Variants in INPP4B observed in about 807,000 individuals in gnomAD.
INPP4B encodes inositol polyphosphate 4-phosphatase type II.
Under a neutral mutation model 122.5 loss-of-function variants are expected in INPP4B, and 55 were observed. The ratio of observed to expected loss-of-function variants is 0.45; its 90% CI spans 0.36 to 0.56. INPP4B has a LOEUF of 0.56. INPP4B is among the 20% of genes least tolerant of loss of function. INPP4B has a pLI of 0.00. For missense variants in INPP4B, 1,000 were observed against 1,097.7 expected (o/e 0.91, Z 1.26); for synonymous variants, 403 against 388.7 (o/e 1.04, Z -0.43).
At chr4:142,099,406 A>C (rs1057501886) in intron 23 of INPP4B, among the ~76,000 whole-genome samples, 24 of 152,144 alleles carry the variant, frequency 1.6e-4, no homozygotes, top group African/African-American at 5.8e-4. Flanking sequence ...TATGCAAAAT[A>C]TTTGGATAAC....
chr4:142,824,306 G>A (rs62331923), intron 1 of INPP4B, among the ~76,000 whole-genome samples: 23,613 of 151,374 alleles, frequency 0.16, 3,339 homozygotes, highest in African/African-American at 0.38. Context: ...TTATCTATCT[G>A]TCTATCTATC....
intron 5 of INPP4B, among the ~76,000 whole-genome samples, chr4:142,410,073 T>G (rs1019814782): frequency 6.6e-6 from 1 of 152,256 alleles, no homozygotes; most frequent in Non-Finnish European, 1.5e-5. Flanking sequence ...ATTTCTATCA[T>G]TCCAACCAAT....
At chr4:142,767,284 A>G (rs1321908853) in intron 1 of INPP4B, among the ~76,000 whole-genome samples, 7 of 152,208 alleles carry the variant, frequency 4.6e-5, no homozygotes, top group Admixed American at 4.6e-4. Flanking sequence ...GTGAAAATCT[A>G]AAGAAGCAGT....
chr4:142,785,250 C>T (rs1361179691), intron 1 of INPP4B, among the ~76,000 whole-genome samples: 1 of 152,034 alleles, frequency 6.6e-6, no homozygotes, highest in Non-Finnish European at 1.5e-5. Flanking sequence ...CCTAAATTTA[C>T]TATTATCCAA....
intron 2 of INPP4B, among the ~76,000 whole-genome samples, chr4:142,646,594 C>G (rs1751836658): frequency 6.6e-6 from 1 of 152,096 alleles, no homozygotes; most frequent in Non-Finnish European, 1.5e-5. Flanking sequence ...GGCTTTACTT[C>G]CTAAGTATCC....
intron 2 of INPP4B, among the ~76,000 whole-genome samples, chr4:142,498,126 C>CGTGT (rs1822855495): frequency 6.7e-6 from 1 of 149,910 alleles, no homozygotes; most frequent in African/African-American, 2.5e-5. Context: ...TATATACACA[C>CGTGT]ACACATATAT....
intron 2 of INPP4B, among the ~76,000 whole-genome samples, chr4:142,648,209 G>A (rs1752203976): frequency 6.6e-6 from 1 of 152,230 alleles, no homozygotes; most frequent in Non-Finnish European, 1.5e-5. Context: ...CTTCCAAGAT[G>A]GCCAAATAGG....
At chr4:142,298,130 G>C (rs1337789024) in intron 9 of INPP4B, among the ~76,000 whole-genome samples, 1 of 151,964 alleles carries the variant, frequency 6.6e-6, no homozygotes, top group Non-Finnish European at 1.5e-5. Context: ...AAACAAAACA[G>C]GAAAGAAGAT....
chr4:142,471,066 T>A (rs72946834), intron 2 of INPP4B, among the ~76,000 whole-genome samples: 3 of 152,158 alleles, frequency 2.0e-5, no homozygotes, highest in Non-Finnish European at 4.4e-5. Context: ...ATGGTTTGTG[T>A]AGCAGGTAAA....
intron 15 of INPP4B, among the ~76,000 whole-genome samples, chr4:142,177,893 T>C (rs1331874982): frequency 6.6e-6 from 1 of 152,208 alleles, no homozygotes; most frequent in Non-Finnish European, 1.5e-5. Context: ...CCCTTTTTCC[T>C]GGTCTTCCTT....
At chr4:142,059,223 A>G (rs1375423781) in intron 25 of INPP4B, among the ~76,000 whole-genome samples, 2 of 152,144 alleles carry the variant, frequency 1.3e-5, no homozygotes, top group African/African-American at 2.4e-5. Context: ...AATAAGAATC[A>G]TCAATGTCTC....
chr4:142,312,427 A>G (rs1007537842), intron 8 of INPP4B, among the ~76,000 whole-genome samples: 17 of 152,198 alleles, frequency 1.1e-4, no homozygotes, highest in Admixed American at 1.1e-3. Context: ...GGTGCCAAAA[A>G]TCACTTAGAA....
At chr4:142,469,169 T>A (rs1242683292) in intron 2 of INPP4B, among the ~76,000 whole-genome samples, 1 of 151,662 alleles carries the variant, frequency 6.6e-6, no homozygotes, top group African/African-American at 2.4e-5. Flanking sequence ...ATTAATAAAA[T>A]AACTCAAAGT....
intron 15 of INPP4B, among the ~76,000 whole-genome samples, chr4:142,190,719 T>A (rs73850812): frequency 0.051 from 6,828 of 132,990 alleles, 520 homozygotes; most frequent in African/African-American, 0.22. Context: ...TCTGTAAGAG[T>A]GTGTGTGTGT....
intron 21 of INPP4B, among the ~76,000 whole-genome samples, chr4:142,116,804 C>A (rs1377179224): frequency 6.6e-6 from 1 of 151,990 alleles, no homozygotes; most frequent in Admixed American, 6.6e-5. Flanking sequence ...CAAGAAATAA[C>A]TAAGATCAGA....
chr4:142,730,376 C>G (rs1334622520), intron 1 of INPP4B, among the ~76,000 whole-genome samples: 2 of 152,184 alleles, frequency 1.3e-5, no homozygotes, highest in East Asian at 3.9e-4. Flanking sequence ...TCTGGATATA[C>G]TATTTTAAAG....
intron 2 of INPP4B, among the ~76,000 whole-genome samples, chr4:142,590,501 T>A (rs957554980): frequency 6.6e-6 from 1 of 152,116 alleles, no homozygotes; most frequent in Non-Finnish European, 1.5e-5. Flanking sequence ...ACAATTCCAA[T>A]ACTGATACAT....
intron 1 of INPP4B, among the ~76,000 whole-genome samples, chr4:142,775,777 A>G (rs1773808918): frequency 6.6e-6 from 1 of 152,158 alleles, no homozygotes; most frequent in East Asian, 1.9e-4. Flanking sequence ...GAAGTCCATT[A>G]TCAGATATGT....
At chr4:142,795,274 C>T (rs1219832840) in intron 1 of INPP4B, 1 of 151,780 alleles carries the variant, frequency 6.6e-6, no homozygotes, top group East Asian at 1.9e-4. Context: ...AAAGAAAAAG[C>T]AAGGAAACTG....
Sources: allele counts gnomAD v4.1 joint callset (sites outside exome capture counted in the v4.1 genomes callset), GRCh38; gene constraint gnomAD v4.1.1; transcripts MANE v1.5; gene names NCBI Gene and HGNC (gene_info 2026-07-23, HGNC 2026-07-21).